CCDC175: variants seen among roughly 807,000 people sequenced by gnomAD.
The protein encoded by CCDC175 is coiled-coil domain containing 175, also known as coiled-coil domain-containing protein 175.
A neutral mutation model predicts 114.6 loss-of-function variants in CCDC175; 100 were observed. The observed-to-expected ratio is 0.87, with a 90% CI of 0.74 to 1.03. CCDC175 has a LOEUF of 1.03. CCDC175 is among the 50% of genes least tolerant of loss of function. CCDC175 has a pLI of 0.00. For missense variants in CCDC175, 880 were observed against 917.8 expected (o/e 0.96, Z 0.53); for synonymous variants, 306 against 308.7 (o/e 0.99, Z 0.09).
chr14:59,513,609 A>C (rs1368979580), intron 17 of CCDC175, among the ~76,000 whole-genome samples: 2 of 152,158 alleles, frequency 1.3e-5, no homozygotes, highest in African/African-American at 2.4e-5. Context: ...GGCAGCAGCG[A>C]GGCTGGGGGA....
intron 13 of CCDC175, among the ~76,000 whole-genome samples, chr14:59,533,234 A>G (rs1450824230): frequency 6.6e-6 from 1 of 152,220 alleles, no homozygotes; most frequent in Admixed American, 6.5e-5. Context: ...CCCACTTAAG[A>G]GAGCCACCAA....
chr14:59,558,368 G>A (rs950904529), intron 7 of CCDC175, among the ~76,000 whole-genome samples: 1 of 152,194 alleles, frequency 6.6e-6, no homozygotes, highest in African/African-American at 2.4e-5. Context: ...AACTGTGGAG[G>A]AAGATCATGT....
At chr14:59,544,940 C>T (rs1467042003) in intron 9 of CCDC175, among the ~76,000 whole-genome samples, 2 of 152,150 alleles carry the variant, frequency 1.3e-5, no homozygotes, top group African/African-American at 4.8e-5. Context: ...CCTCCAGAAC[C>T]GTGAGAAAAT....
intron 7 of CCDC175, among the ~76,000 whole-genome samples, chr14:59,556,649 G>T (rs1051165773): frequency 6.6e-6 from 1 of 152,118 alleles, no homozygotes; most frequent in African/African-American, 2.4e-5. Flanking sequence ...CACAGCAAAA[G>T]AAACTACCAT....
intron 8 of CCDC175, among the ~76,000 whole-genome samples, chr14:59,547,278 C>A (rs1459694951): frequency 1.3e-5 from 2 of 152,122 alleles, no homozygotes; most frequent in East Asian, 1.9e-4. Flanking sequence ...GGATTGGAAG[C>A]CTCAATACTG....
At chr14:59,530,195 C>T (rs1421104241) in intron 14 of CCDC175, among the ~76,000 whole-genome samples, 4 of 151,784 alleles carry the variant, frequency 2.6e-5, no homozygotes, top group Non-Finnish European at 4.4e-5. Flanking sequence ...GGTGAAACCC[C>T]ATCTCTACTA....
intron 13 of CCDC175, among the ~76,000 whole-genome samples, chr14:59,534,805 C>T (rs1179361397): frequency 2.0e-5 from 3 of 152,102 alleles, no homozygotes; most frequent in East Asian, 1.9e-4. Context: ...ACTGCCCTGT[C>T]GACAACACAT....
intron 3 of CCDC175, among the ~76,000 whole-genome samples, chr14:59,571,764 GT>G (rs1222187287): frequency 1.3e-5 from 2 of 151,188 alleles, no homozygotes; most frequent in African/African-American, 4.9e-5. Flanking sequence ...TCTGACCCCA[GT>G]AAAAAAAAAA....
intron 7 of CCDC175, among the ~76,000 whole-genome samples, chr14:59,554,791 C>T (rs55680954): frequency 0.064 from 9,742 of 152,166 alleles, 412 homozygotes; most frequent in African/African-American, 0.11. Context: ...GATATCACCA[C>T]CGATCCCACA....
intron 19 of CCDC175, among the ~76,000 whole-genome samples, chr14:59,506,291 C>CT (rs1383190546): frequency 3.5e-3 from 385 of 109,538 alleles, no homozygotes; most frequent in Non-Finnish European, 4.9e-3. Flanking sequence ...TTTTTTTTTT[C>CT]TTTTTTTTTT....
chr14:59,505,990 A>G (rs1892350615), intron 19 of CCDC175, among the ~76,000 whole-genome samples: 1 of 152,188 alleles, frequency 6.6e-6, no homozygotes, highest in Admixed American at 6.6e-5. Flanking sequence ...TTAAATTCTC[A>G]AAGAGGATTT....
intron 16 of CCDC175, among the ~76,000 whole-genome samples, chr14:59,523,671 T>G (rs566403422): frequency 1.3e-5 from 2 of 152,298 alleles, no homozygotes; most frequent in African/African-American, 4.8e-5. Flanking sequence ...GAAATGGTAT[T>G]TCTTTTGCCT....
At chr14:59,568,543 T>G (rs891501154) in intron 3 of CCDC175, among the ~76,000 whole-genome samples, 163 bp from the exon 4 acceptor site, 1 of 152,160 alleles carries the variant, frequency 6.6e-6, no homozygotes, top group Non-Finnish European at 1.5e-5. Flanking sequence ...TACTAATTAT[T>G]TCTCTTATTT....
rs530073066 is a variant in CCDC175 at position 59,550,112 on chromosome 14, T to G, written c.1035+1243A>C. Reference sequence around the variant, plus strand: ...TTTGTAGAAATGGGGTTTCACCATATTGGTCAGGCTGATCTCAAACCCCTG... The same window carrying G: ...TTTGTAGAAATGGGGTTTCACCATAGTGGTCAGGCTGATCTCAAACCCCTG... On this transcript the variant is annotated intron_variant, in intron 8 of 19. Transcript: ENST00000537690. 1.1e-4 allele frequency among the ~76,000 whole-genome samples: 16 copies of G among 152,268 alleles called. No individual in the cohort carries two copies. The South Asian group carries it at 3.3e-3, about 32-fold the overall frequency.
chr14:59,524,515 C>T (rs528902524), intron 16 of CCDC175, among the ~76,000 whole-genome samples: 1 of 152,266 alleles, frequency 6.6e-6, no homozygotes, highest in East Asian at 1.9e-4. Context: ...ATCAGGAAAA[C>T]ACAAATTAGT....
intron 8 of CCDC175, among the ~76,000 whole-genome samples, chr14:59,546,897 G>A (rs1353810788): frequency 6.6e-6 from 1 of 151,966 alleles, no homozygotes; most frequent in Non-Finnish European, 1.5e-5. Flanking sequence ...CAAATATCTA[G>A]AGCTTCTCAA....
rs1489120547 is a variant in CCDC175, at chr14:59,568,260, T to C, written c.476A>G (p.Tyr159Cys). 9 of 1,530,590 alleles carry C rather than the reference T, an allele frequency of 5.9e-6. No individual in the cohort carries two copies. The Admixed American group carries it at 1.8e-4, about 31-fold the overall frequency. 94.8% of individuals were successfully genotyped at this position (1,530,590 alleles called of 1,614,324 possible). Residue 159 changes from tyrosine to cysteine, a missense_variant, in exon 4 of 20, where the codon TAT becomes TGT. Physicochemically the swap from Tyr to Cys is radical, Grantham distance 194 (BLOSUM62 -2). Transcript: ENST00000537690. ...GAATACCTACCCCAGAGCTTCATTA[T>C]ATTTTGTCAGGTCAGTTATTTTCTT... ...LKKKITDLTK[Y>C]NEALGEKQEE...
chr14:59,542,261 T>C (rs575902055), intron 10 of CCDC175, among the ~76,000 whole-genome samples: 3 of 152,238 alleles, frequency 2.0e-5, no homozygotes, highest in African/African-American at 7.2e-5. Flanking sequence ...TTCACTGTCA[T>C]ACATGGTTTA....
chr14:59,546,602 A>C (rs1895125919), intron 8 of CCDC175, among the ~76,000 whole-genome samples: 3 of 151,908 alleles, frequency 2.0e-5, no homozygotes, highest in Non-Finnish European at 4.4e-5. Context: ...AACCACTTGA[A>C]AACCAAGTTT....
Sources: gnomAD v4.1 joint callset for allele counts (sites outside exome capture counted in the v4.1 genomes callset) on GRCh38, gnomAD v4.1.1 for gene constraint, MANE v1.5 for transcripts, NCBI Gene and HGNC (gene_info 2026-07-23, HGNC 2026-07-21) for gene names.